XYLT1: variants seen among roughly 807,000 people sequenced by gnomAD.
The protein encoded by XYLT1 is beta-D-xylosyltransferase 1.
Under a neutral mutation model 91.3 loss-of-function variants are expected in XYLT1, and 36 were observed. The observed-to-expected ratio is 0.39, with a 90% confidence interval of 0.30 to 0.52. The LOEUF (loss-of-function observed/expected upper bound fraction) is 0.52. XYLT1 is among the 20% of genes least tolerant of loss of function. The pLI is 0.68. For synonymous variants in XYLT1, 588 were observed against 532.0 expected, an observed-to-expected ratio of 1.11 and a Z score of -1.45; for missense variants, 1,242 against 1,284.5, an observed-to-expected ratio of 0.97 and a Z score of 0.51.
At chr16:17,186,123 G>C (rs2032177575) in intron 5 of XYLT1, among the ~76,000 whole-genome samples, 1 of 152,060 alleles carries the variant, frequency 6.6e-6, no homozygotes, top group Non-Finnish European at 1.5e-5. Flanking sequence ...TATTTTTTAA[G>C]ACGGAATTTC....
intron 3 of XYLT1, chr16:17,227,545 G>C (rs1228441257): frequency 2.0e-5 from 3 of 152,286 alleles, no homozygotes; most frequent in African/African-American, 7.2e-5. Context: ...ATCCTGCCTT[G>C]CAGGACGCAA....
At chr16:17,233,656 A>G (rs1184035689) in intron 3 of XYLT1, among the ~76,000 whole-genome samples, 9 of 152,230 alleles carry the variant, frequency 5.9e-5, no homozygotes. Context: ...AAGAGATTTC[A>G]GATTAAAACT....
At chr16:17,385,692 C>T (rs1040916104) in intron 1 of XYLT1, among the ~76,000 whole-genome samples, 10 of 151,796 alleles carry the variant, frequency 6.6e-5, no homozygotes, top group Non-Finnish European at 8.8e-5. Flanking sequence ...TAAAGCTTTA[C>T]GGCCATGCAT....
chr16:17,223,110 C>G (rs1484864612), intron 3 of XYLT1, among the ~76,000 whole-genome samples: 2 of 152,010 alleles, frequency 1.3e-5, no homozygotes, highest in Non-Finnish European at 2.9e-5. Context: ...CCTTGAATTG[C>G]AGGGAACATA....
chr16:17,351,188 C>T (rs1351968011), intron 2 of XYLT1, among the ~76,000 whole-genome samples: 1 of 152,102 alleles, frequency 6.6e-6, no homozygotes, highest in Non-Finnish European at 1.5e-5. Context: ...TACCCAGAGT[C>T]AGTCATGTCA....
intron 3 of XYLT1, among the ~76,000 whole-genome samples, chr16:17,210,071 A>C (rs937022555): frequency 1.3e-5 from 2 of 152,018 alleles, no homozygotes; most frequent in African/African-American, 4.8e-5. Flanking sequence ...TTAAATATAT[A>C]TTTGTAGAGA....
intron 6 of XYLT1, among the ~76,000 whole-genome samples, chr16:17,144,607 G>A (rs962777837): frequency 4.6e-5 from 7 of 152,168 alleles, no homozygotes; most frequent in African/African-American, 1.7e-4. Context: ...GAGATCTGGG[G>A]AGCAGACCAG....
At chr16:17,271,379 G>A (rs1204108712) in intron 2 of XYLT1, among the ~76,000 whole-genome samples, 3 of 152,012 alleles carry the variant, frequency 2.0e-5, no homozygotes, top group Admixed American at 2.0e-4. Context: ...GAGAGACAAA[G>A]AGAGAGACAC....
chr16:17,181,490 T>C (rs944115563), intron 5 of XYLT1, among the ~76,000 whole-genome samples: 10 of 152,190 alleles, frequency 6.6e-5, no homozygotes, highest in African/African-American at 2.4e-4. Flanking sequence ...AAAATTTCCT[T>C]GTTAAAAAAT....
At chr16:17,200,714 G>T (rs890491014) in intron 3 of XYLT1, 60 bp from the exon 4 acceptor site, 111 of 1,576,762 alleles carry the variant, frequency 7.0e-5, no homozygotes, top group Non-Finnish European at 9.2e-5. Flanking sequence ...CTTTGCAGGG[G>T]TGGGAAGTTT....
At chr16:17,402,738 C>A (rs374990629) in intron 1 of XYLT1, among the ~76,000 whole-genome samples, 1 of 132,698 alleles carries the variant, frequency 7.5e-6, no homozygotes, top group East Asian at 2.0e-4. Flanking sequence ...CCTTTTTTTT[C>A]TTTTCTTTTT....
chr16:17,332,256 T>G (rs4780694), intron 2 of XYLT1, among the ~76,000 whole-genome samples: 92,790 of 152,020 alleles, frequency 0.61, 28,898 homozygotes, highest in Admixed American at 0.7. Context: ...TGGGGTGAAG[T>G]GGAGGCGATC....
intron 1 of XYLT1, among the ~76,000 whole-genome samples, chr16:17,400,982 T>TCACACACACACACA (rs1234569090): frequency 9.0e-6 from 1 of 111,004 alleles, no homozygotes. Context: ...ACTCTCTCTT[T>TCACACACACACACA]CATACACACA....
At chr16:17,315,598 T>C (rs1042852038) in intron 2 of XYLT1, among the ~76,000 whole-genome samples, 7 of 152,180 alleles carry the variant, frequency 4.6e-5, no homozygotes, top group Non-Finnish European at 1.0e-4. Flanking sequence ...CAAAGATAAG[T>C]CTATTCCCAT....
chr16:17,212,922 C>T (rs896814894), intron 3 of XYLT1, among the ~76,000 whole-genome samples: 1 of 152,282 alleles, frequency 6.6e-6, no homozygotes, highest in Non-Finnish European at 1.5e-5. Flanking sequence ...CTGATGTTAC[C>T]TTTTCTGTGC....
At chr16:17,136,374 A>G (rs2030721553) in intron 8 of XYLT1, among the ~76,000 whole-genome samples, 1 of 152,148 alleles carries the variant, frequency 6.6e-6, no homozygotes, top group South Asian at 2.1e-4. Flanking sequence ...GTGTTATTCT[A>G]AACATCTCAT....
At chr16:17,241,798 T>G (rs975890159) in intron 3 of XYLT1, among the ~76,000 whole-genome samples, 1 of 152,150 alleles carries the variant, frequency 6.6e-6, no homozygotes, top group East Asian at 1.9e-4. Flanking sequence ...CTCCACATGC[T>G]GGAGTTGGAA....
chr16:17,407,432 G>C (rs149113372), intron 1 of XYLT1, among the ~76,000 whole-genome samples: 1 of 152,296 alleles, frequency 6.6e-6, no homozygotes, highest in East Asian at 1.9e-4. Flanking sequence ...CGCTTGGTTA[G>C]CAATCACTAA....
chr16:17,127,653 C>T lies in XYLT1; in HGVS notation c.2223+13G>A, dbSNP rs778132078. On this transcript the variant is annotated intron_variant, in intron 10 of 11. Coordinates refer to ENST00000261381, the MANE Select transcript of XYLT1 (RefSeq NM_022166.4). The stretch of plus-strand genomic sequence containing the variant: ...CAAAATACAATGAAATGTGACAAGA[C>T]CTGGCCTCTTACCTCGGAAAACTGA... 1.9e-6 allele frequency: 3 copies of T among 1,611,328 alleles called. No individual in the cohort carries two copies. The highest frequency in any genetic ancestry group is 2.7e-5 in the African/African-American group (2 of 74,708).
Sources: allele counts gnomAD v4.1 joint callset (sites outside exome capture counted in the v4.1 genomes callset), GRCh38; gene constraint gnomAD v4.1.1; transcripts MANE v1.5; gene names NCBI Gene and HGNC (gene_info 2026-07-23, HGNC 2026-07-21).